Variants in NCK2 observed in about 807,000 individuals in gnomAD.
The protein encoded by NCK2 is NCK adaptor protein 2.
Under a neutral mutation model 33.9 loss-of-function variants are expected in NCK2, and 16 were observed. That is an observed-to-expected ratio of 0.47 (90% confidence interval 0.32 to 0.72). NCK2 has a LOEUF of 0.72. Ranked by LOEUF, NCK2 falls within the 30% of genes least tolerant of loss-of-function variation. The pLI is 0.03. For synonymous variants in NCK2, 273 were observed against 239.9 expected (o/e 1.14, Z -1.27); for missense variants, 418 against 537.3 (o/e 0.78, Z 2.19).
intron 1 of NCK2, among the ~76,000 whole-genome samples, chr2:105,770,574 G>A (rs1393024686): frequency 6.6e-6 from 1 of 152,170 alleles, no homozygotes; most frequent in Non-Finnish European, 1.5e-5. Flanking sequence ...GTCATTTTTA[G>A]AGTGTGTAGA....
chr2:105,873,468 G>A lies in NCK2; in HGVS notation c.227-7860G>A, dbSNP rs139536126. On this transcript the variant is annotated intron_variant, in intron 3 of 4. Transcript: ENST00000233154. The stretch of plus-strand genomic sequence containing the variant: ...TTCTCCAGGCTTAGGAAACATGCAC[G>A]CCACCCAGCTATGAATTATGTCTGC... Among the ~76,000 whole-genome samples the A allele has an allele frequency of 5.5e-3, 834 of 152,214 alleles. 5 individuals carry two copies. The highest frequency in any genetic ancestry group is 8.6e-3 in the Admixed American group (132 of 15,296).
Position 105,855,369 on chromosome 2 carries a change from C to CAAA in NCK2, c.226+90_226+92dup, listed in dbSNP as rs3832068. The CAAA allele has an allele frequency of 1.0e-2, 7,421 of 742,420 alleles. 12 individuals are homozygous for CAAA. Among genetic ancestry groups the CAAA allele is most frequent in the Non-Finnish European group, 0.012 (5,974 of 498,834 alleles). The allele number at this position is 742,420 out of a possible 1,614,324, so 46.0% of individuals were successfully genotyped here. A position where few individuals can be genotyped will look rare whatever the true frequency, so the allele number is the denominator to read the frequency against. On this transcript the variant is annotated intron_variant, in intron 3 of 4. Coordinates refer to ENST00000233154, the MANE Select transcript of NCK2 (RefSeq NM_003581.5). ...CGTCTTTCTAGTTAGTTTGCTGTTT[C>CAAA]AAAAAAAAAAAAGTCTGTTTTAAAA...
intron 2 of NCK2, among the ~76,000 whole-genome samples, chr2:105,844,577 A>AC (rs58094004): frequency 0.084 from 11,681 of 138,542 alleles, 699 homozygotes; most frequent in Admixed American, 0.2. Flanking sequence ...AAAAAAACAA[A>AC]AAAAAAAAAA....
chr2:105,812,258 C>T (rs1013457300), intron 1 of NCK2, among the ~76,000 whole-genome samples: 3 of 152,280 alleles, frequency 2.0e-5, no homozygotes, highest in Middle Eastern at 3.4e-3. Context: ...GATTAAGAGA[C>T]AGCTGAGGTC....
At chr2:105,769,284 C>CTCCCCA (rs1690048876) in intron 1 of NCK2, among the ~76,000 whole-genome samples, 2 of 151,084 alleles carry the variant, frequency 1.3e-5, no homozygotes, top group South Asian at 2.1e-4. Context: ...CACCCCTCCC[C>CTCCCCA]TCCCCATCCC....
rs530371612 is a variant in NCK2, at chr2:105,849,224, A to G, written c.-16-5824A>G. ...ATAGATATTTTTTGTAGATAACCCC[A>G]TATCTACAAAAAGTAAAAAACTAGC... is the stretch of plus-strand genomic sequence containing the variant. On this transcript the variant is annotated intron_variant, in intron 2 of 4. Transcript: ENST00000233154. 9.9e-5 allele frequency among the ~76,000 whole-genome samples: 15 copies of G among 152,266 alleles called. 1 individual carries two copies. The highest frequency in any genetic ancestry group is 6.5e-4 in the Admixed American group (10 of 15,300).
intron 1 of NCK2, among the ~76,000 whole-genome samples, chr2:105,800,909 G>C (rs182256835): frequency 6.6e-6 from 1 of 152,316 alleles, no homozygotes; most frequent in Admixed American, 6.5e-5. Flanking sequence ...GCCTGTCCAG[G>C]TGGTTGGCAG....
At chr2:105,877,864 T>G (rs920556709) in intron 3 of NCK2, among the ~76,000 whole-genome samples, 6 of 152,236 alleles carry the variant, frequency 3.9e-5, no homozygotes, top group Non-Finnish European at 5.9e-5. Flanking sequence ...CTTTACCTCC[T>G]GTAGCCTCAG....
At chr2:105,809,139 G>A (rs1009051875) in intron 1 of NCK2, among the ~76,000 whole-genome samples, 1 of 152,218 alleles carries the variant, frequency 6.6e-6, no homozygotes, top group African/African-American at 2.4e-5. Flanking sequence ...TCTTTCTGGT[G>A]TGCAAGAGGA....
chr2:105,802,189 G>A (rs1272361314), intron 1 of NCK2, among the ~76,000 whole-genome samples: 1 of 152,164 alleles, frequency 6.6e-6, no homozygotes, highest in African/African-American at 2.4e-5. Flanking sequence ...AACAATGGAC[G>A]GAAACTGATG....
At chr2:105,820,223 A>C (rs1675672667) in intron 2 of NCK2, among the ~76,000 whole-genome samples, 1 of 152,252 alleles carries the variant, frequency 6.6e-6, no homozygotes, top group African/African-American at 2.4e-5. Flanking sequence ...TCATTCAGAC[A>C]ATACTGGCTT....
intron 2 of NCK2, among the ~76,000 whole-genome samples, chr2:105,850,889 C>G (rs1291190792): frequency 6.6e-6 from 1 of 152,178 alleles, no homozygotes; most frequent in Non-Finnish European, 1.5e-5. Flanking sequence ...CAAATCCATC[C>G]TGCACCATAG....
chr2:105,854,179 T>C (rs1474185268), intron 2 of NCK2: 2 of 152,238 alleles, frequency 1.3e-5, no homozygotes, highest in African/African-American at 4.8e-5. Flanking sequence ...TTTCATGGCT[T>C]GATAGCTCAT....
intron 3 of NCK2, among the ~76,000 whole-genome samples, chr2:105,866,948 T>G (rs1677791527): frequency 6.6e-6 from 1 of 152,196 alleles, no homozygotes; most frequent in Non-Finnish European, 1.5e-5. Flanking sequence ...TGCATTTGTC[T>G]TAGAAGTAGT....
intron 1 of NCK2, among the ~76,000 whole-genome samples, chr2:105,807,610 C>A (rs1675097939): frequency 6.6e-6 from 1 of 152,034 alleles, no homozygotes; most frequent in African/African-American, 2.4e-5. Flanking sequence ...GAGTTGGAGT[C>A]ACGCTGGGCA....
intron 3 of NCK2, among the ~76,000 whole-genome samples, chr2:105,869,119 C>T (rs1677884170): frequency 6.6e-6 from 1 of 152,208 alleles, no homozygotes. Context: ...AGTGCTCCCC[C>T]TAGCCTGTTC....
At chr2:105,865,170 A>G (rs1677697271) in intron 3 of NCK2, among the ~76,000 whole-genome samples, 1 of 151,800 alleles carries the variant, frequency 6.6e-6, no homozygotes, top group African/African-American at 2.4e-5. Flanking sequence ...AACTAATCTC[A>G]CAAGCGTTTT....
In NCK2 at chr2:105,802,397, A is replaced by G. The variant is rs528158771; in HGVS notation, c.-200-14033A>G. 6.6e-5 allele frequency among the ~76,000 whole-genome samples: 10 copies of G among 152,324 alleles called. 1 individual carries two copies. The South Asian group carries it at 2.1e-3, about 32-fold the overall frequency. ...AGTCTGTTTGCATTACTGTAAAGGA[A>G]TACTTGAGGCTGGGTCATTTATAAA... On this transcript the variant is annotated intron_variant, in intron 1 of 4. Coordinates refer to ENST00000233154, the MANE Select transcript of NCK2 (RefSeq NM_003581.5).
intron 2 of NCK2, among the ~76,000 whole-genome samples, chr2:105,827,927 C>T (rs1381128790): frequency 6.6e-6 from 1 of 152,068 alleles, no homozygotes; most frequent in Non-Finnish European, 1.5e-5. Context: ...GATGAAATGA[C>T]AGAACCATAT....
Sources: gnomAD v4.1 joint callset for allele counts (sites outside exome capture counted in the v4.1 genomes callset) on GRCh38, gnomAD v4.1.1 for gene constraint, MANE v1.5 for transcripts, NCBI Gene and HGNC (gene_info 2026-07-23, HGNC 2026-07-21) for gene names.